Variants in MTURN observed in about 807,000 individuals in gnomAD.
MTURN encodes the protein maturin.
Under a neutral mutation model 14.9 loss-of-function variants are expected in MTURN, and 7 were observed. The ratio of observed to expected loss-of-function variants is 0.47; its 90% CI spans 0.27 to 0.88. The LOEUF is 0.88. MTURN is among the 40% of genes least tolerant of loss of function. MTURN has a pLI of 0.14. For synonymous variants in MTURN, 69 were observed against 72.5 expected, an observed-to-expected ratio of 0.95 and a Z score of 0.25; for missense variants, 151 against 174.1, an observed-to-expected ratio of 0.87 and a Z score of 0.75.
At chr7:30,155,196 C>T (rs1405576069) in intron 2 of MTURN, among the ~76,000 whole-genome samples, 1 of 152,190 alleles carries the variant, frequency 6.6e-6, no homozygotes, top group Non-Finnish European at 1.5e-5. Flanking sequence ...GCAGCCACTC[C>T]CTGTCAGGTC....
chr7:30,139,996 T>C (rs946496265), intron 1 of MTURN, among the ~76,000 whole-genome samples: 3 of 152,178 alleles, frequency 2.0e-5, no homozygotes, highest in African/African-American at 7.2e-5. Flanking sequence ...CAAGGAGTCC[T>C]TTCTGCCAAC....
chr7:30,146,247 G>A lies in MTURN; in HGVS notation c.233G>A (p.Gly78Asp). Residue 78 changes from glycine to aspartate, a missense_variant, in exon 2 of 3, where the codon GGC (glycine) becomes GAC (aspartate). Physicochemically the swap from Gly to Asp is moderately conservative, Grantham distance 94. Transcript: ENST00000324453. ...GCACAGGATTACATCTCCTCCTGCG[G>A]CAAGAAGACGCTCCACGAAGTCCTG... ...QLAQDYISSC[G>D]KKTLHEVLEK... 1 of 1,614,106 alleles carries A rather than the reference G, an allele frequency of 6.2e-7. No individual in the cohort carries two copies. The highest frequency in any genetic ancestry group is 8.5e-7 in the Non-Finnish European group (1 of 1,180,040).
rs1280802324 is a variant in MTURN at position 30,160,468 on chromosome 7, GAT to G, written c.*2921_*2922del. 1 of 152,294 alleles carries G rather than the reference GAT, an allele frequency of 6.6e-6. No individual in the cohort carries two copies. Among genetic ancestry groups the G allele is most frequent in the East Asian group, 1.9e-4 (1 of 5,202 alleles). The allele number at this position is 152,294 out of a possible 1,614,324, so 9.4% of individuals were successfully genotyped here. ...ATGTTTAACTTACCTGAGAGTGAGAGATGTGTAGGAAGAATAGCTGGAAGAAA... is the reference window on the plus strand; with the variant it reads ...ATGTTTAACTTACCTGAGAGTGAGAGGTGTAGGAAGAATAGCTGGAAGAAA... On this transcript the variant is annotated 3_prime_UTR_variant, in exon 3 of 3. Coordinates refer to ENST00000324453, the MANE Select transcript of MTURN (RefSeq NM_152793.3).
chr7:30,137,536 G>A (rs1489096605), intron 1 of MTURN: 1 of 451,724 alleles, frequency 2.2e-6, no homozygotes, highest in Non-Finnish European at 4.6e-6. Flanking sequence ...CATGTAAACT[G>A]ACAATTTAAA....
At chr7:30,143,666 G>A (rs903862360) in intron 1 of MTURN, among the ~76,000 whole-genome samples, 2 of 152,150 alleles carry the variant, frequency 1.3e-5, no homozygotes, top group Non-Finnish European at 2.9e-5. Flanking sequence ...CCAAATGAAG[G>A]AAGTTCAGAC....
At chr7:30,138,839 T>C (rs1226262842) in intron 1 of MTURN, among the ~76,000 whole-genome samples, 2 of 152,182 alleles carry the variant, frequency 1.3e-5, no homozygotes, top group Admixed American at 6.5e-5. Flanking sequence ...TCCTCAGATG[T>C]GCCAAGCGCA....
At chr7:30,144,123 G>A (rs1797094427) in intron 1 of MTURN, among the ~76,000 whole-genome samples, 1 of 152,156 alleles carries the variant, frequency 6.6e-6, no homozygotes, top group South Asian at 2.1e-4. Flanking sequence ...AGATGCAAAG[G>A]GGGAAAGAAG....
rs1797350220 is a variant in MTURN, at chr7:30,160,327, C to T, written c.*2779C>T. 6.6e-6 allele frequency: 1 copy of T among 152,298 alleles called. No individual in the cohort carries two copies. The highest frequency in any genetic ancestry group is 1.9e-4 in the East Asian group (1 of 5,198). 9.4% of individuals were successfully genotyped at this position (152,298 alleles called of 1,614,324 possible). On this transcript the variant is annotated 3_prime_UTR_variant, in exon 3 of 3. Transcript: ENST00000324453. ...TCATGGGGCAGATGAAATTCTCTTC[C>T]TTAGAGGAAAGGGAAAGGTGAGGCC...
intron 2 of MTURN, among the ~76,000 whole-genome samples, chr7:30,151,067 T>A (rs1320514945): frequency 6.6e-6 from 1 of 152,214 alleles, no homozygotes; most frequent in Non-Finnish European, 1.5e-5. Flanking sequence ...GATGGGTAAA[T>A]GACTGTGGAT....
chr7:30,145,721 G>T, intron 1 of MTURN: 2 of 1,124,252 alleles, frequency 1.8e-6, no homozygotes, highest in African/African-American at 3.1e-5. Flanking sequence ...GGCCGATCTG[G>T]GTAAAGAATG....
intron 2 of MTURN, among the ~76,000 whole-genome samples, chr7:30,149,067 A>C (rs567688802): frequency 2.1e-4 from 32 of 151,812 alleles, no homozygotes; most frequent in Middle Eastern, 6.8e-3. Context: ...TGGGAAGGGG[A>C]GCTCCAGCCG....
rs997886005 is a variant in MTURN at position 30,160,162 on chromosome 7, C to T, written c.*2614C>T. On this transcript the variant is annotated 3_prime_UTR_variant, in exon 3 of 3. Coordinates refer to ENST00000324453, the MANE Select transcript of MTURN (RefSeq NM_152793.3). ...CTTATGTGTGTGTGTGAGTAAGGAG[C>T]AACAGTCAAGGAAACTTTTAGGGAT... is the stretch of plus-strand genomic sequence containing the variant. 9.8e-5 allele frequency: 15 copies of T among 152,364 alleles called. No homozygotes were observed. The highest frequency in any genetic ancestry group is 3.4e-4 in the African/African-American group (14 of 41,446). 9.4% of individuals were successfully genotyped at this position (152,364 alleles called of 1,614,324 possible).
chr7:30,152,240 C>T (rs911953078), intron 2 of MTURN, among the ~76,000 whole-genome samples: 1 of 151,732 alleles, frequency 6.6e-6, no homozygotes, highest in African/African-American at 2.4e-5. Context: ...AAGAGAGTGC[C>T]TCCTCCTGCC....
chr7:30,137,860 A>G (rs1487219368), intron 1 of MTURN, among the ~76,000 whole-genome samples: 1 of 151,960 alleles, frequency 6.6e-6, no homozygotes, highest in African/African-American at 2.4e-5. Flanking sequence ...TCAATTTACA[A>G]AAGTATTTCC....
chr7:30,149,842 G>A (rs934315207), intron 2 of MTURN, among the ~76,000 whole-genome samples: 1 of 152,202 alleles, frequency 6.6e-6, no homozygotes, highest in African/African-American at 2.4e-5. Flanking sequence ...GCCAGCCCCA[G>A]GAGGAGTGTT....
chr7:30,146,791 T>G (rs1250048182), intron 2 of MTURN, among the ~76,000 whole-genome samples: 1 of 152,252 alleles, frequency 6.6e-6, no homozygotes, highest in Non-Finnish European at 1.5e-5. Flanking sequence ...GTCTCTGTTA[T>G]GAGCTACTGT....
intron 2 of MTURN, among the ~76,000 whole-genome samples, chr7:30,154,449 T>A (rs77440367): frequency 0.01 from 1,545 of 152,230 alleles, 48 homozygotes; most frequent in East Asian, 0.072. Flanking sequence ...TTTCCCTAGT[T>A]CCTTAGAGAT....
At chr7:30,135,903 C>T (rs912105609) in intron 1 of MTURN, among the ~76,000 whole-genome samples, 4 of 152,374 alleles carry the variant, frequency 2.6e-5, no homozygotes, top group African/African-American at 9.6e-5. Flanking sequence ...TGCCCGATCT[C>T]CTGGACCTTC....
chr7:30,145,754 C>T, intron 1 of MTURN: 2 of 1,351,364 alleles, frequency 1.5e-6, no homozygotes, highest in Non-Finnish European at 2.0e-6. Context: ...TTAATGCTTA[C>T]AAACTATGCT....
Sources: allele counts gnomAD v4.1 joint callset (sites outside exome capture counted in the v4.1 genomes callset), GRCh38; gene constraint gnomAD v4.1.1; transcripts MANE v1.5; gene names NCBI Gene and HGNC (gene_info 2026-07-23, HGNC 2026-07-21).